Variants in CEP63 observed in about 807,000 individuals in gnomAD.
CEP63 encodes centrosomal protein of 63 kDa.
Under a neutral mutation model 89.1 loss-of-function variants are expected in CEP63, and 84 were observed. The ratio of observed to expected loss-of-function variants is 0.94; its 90% CI spans 0.79 to 1.13. The LOEUF (loss-of-function observed/expected upper bound fraction) is 1.13. Ranked by LOEUF, CEP63 falls within the 50% of genes most tolerant of loss-of-function variation. CEP63 has a pLI of 0.00. For synonymous variants in CEP63, 267 were observed against 272.5 expected (o/e 0.98, Z 0.20); for missense variants, 838 against 813.3 (o/e 1.03, Z -0.37).
chr3:134,684,141 G>T, the CEP63 span, among the ~76,000 whole-genome samples: 1 of 152,234 alleles, frequency 6.6e-6, no homozygotes, highest in African/African-American at 2.4e-5. Context: ...AATGGAAAGA[G>T]ATGTAGTGTT....
Position 134,564,463 on chromosome 3 carries a change from T to C in CEP63, c.*2928T>C. 1 of 985,514 alleles carries C rather than the reference T, an allele frequency of 1.0e-6. No individual in the cohort carries two copies. Among genetic ancestry groups the C allele is most frequent in the Non-Finnish European group, 1.2e-6 (1 of 829,976 alleles). The allele number at this position is 985,514 out of a possible 1,614,324, so 61.0% of individuals were successfully genotyped here. A position where few individuals can be genotyped will look rare whatever the true frequency, so the allele number is the denominator to read the frequency against. On this transcript the variant is annotated 3_prime_UTR_variant, in exon 15 of 15. Coordinates refer to ENST00000675561, the MANE Select transcript of CEP63 (RefSeq NM_001353108.3). ...TGTCATGGCACCCTGTGTGTGGCTC[T>C]GACCAGACTTTGCTATCCGCTTTGA... is the stretch of plus-strand genomic sequence containing the variant.
chr3:134,645,737 T>G, the CEP63 span, among the ~76,000 whole-genome samples: 1 of 152,226 alleles, frequency 6.6e-6, no homozygotes, highest in Non-Finnish European at 1.5e-5. Context: ...CCAGTTCTCA[T>G]GGTGGTTTTG....
rs575735101 is a variant in CEP63 at position 134,562,232 on chromosome 3, G to A, written c.*697G>A. ...CACTGCTGAGGACAAGTTTAGATGG[G>A]AGACAAAGATCTGGATGTTGATGTG... On this transcript the variant is annotated 3_prime_UTR_variant, in exon 15 of 15. Transcript: ENST00000675561. 4.9e-5 allele frequency: 48 copies of A among 984,902 alleles called. 1 individual carries two copies. The highest frequency in any genetic ancestry group is 1.0e-3 in the Middle Eastern group (2 of 1,912). The allele number at this position is 984,902 out of a possible 1,614,324, so 61.0% of individuals were successfully genotyped here. A position where few individuals can be genotyped will look rare whatever the true frequency, so the allele number is the denominator to read the frequency against.
chr3:134,508,931 T>A (rs1308575905), intron 3 of CEP63, among the ~76,000 whole-genome samples: 1 of 151,850 alleles, frequency 6.6e-6, no homozygotes, highest in Non-Finnish European at 1.5e-5. Flanking sequence ...CCATAGAATT[T>A]GTGTGTGAGA....
chr3:134,538,673 C>T (rs981856392), intron 6 of CEP63, among the ~76,000 whole-genome samples: 3 of 150,812 alleles, frequency 2.0e-5, no homozygotes, highest in African/African-American at 7.3e-5. Flanking sequence ...CCACCTTGGC[C>T]TCCTAAAGTG....
the CEP63 span, among the ~76,000 whole-genome samples, chr3:134,672,266 T>G: frequency 6.6e-6 from 1 of 152,192 alleles, no homozygotes; most frequent in African/African-American, 2.4e-5. Context: ...GTTAGGTTAT[T>G]CTGAGGAATA....
chr3:134,747,090 A>AC, the CEP63 span, among the ~76,000 whole-genome samples: 136 of 105,902 alleles, frequency 1.3e-3, no homozygotes, highest in African/African-American at 3.4e-3. Flanking sequence ...ATCTTGAATT[A>AC]ATTTTTGTAT....
chr3:134,738,443 A>T, the CEP63 span, among the ~76,000 whole-genome samples: 3 of 152,208 alleles, frequency 2.0e-5, no homozygotes, highest in Non-Finnish European at 4.4e-5. Context: ...ATCAAATGGT[A>T]GTCCTACTTT....
At chr3:134,500,346 A>G (rs546419661) in intron 2 of CEP63, among the ~76,000 whole-genome samples, 15 of 152,242 alleles carry the variant, frequency 9.9e-5, no homozygotes, top group African/African-American at 2.4e-4. Context: ...TCCACCATCA[A>G]TGGGTACATA....
the CEP63 span, among the ~76,000 whole-genome samples, chr3:134,749,593 G>A: frequency 6.6e-6 from 1 of 150,700 alleles, no homozygotes; most frequent in African/African-American, 2.4e-5. Context: ...GTCTCAAGAT[G>A]AAGGGTCTGT....
At chr3:134,569,291 A>G (rs941973174), downstream of CEP63, among the ~76,000 whole-genome samples, 1 of 152,254 alleles carries the variant, frequency 6.6e-6, no homozygotes, top group African/African-American at 2.4e-5. Flanking sequence ...TCAAAAGTCC[A>G]TAGTCCAAAG....
the CEP63 span, among the ~76,000 whole-genome samples, chr3:134,686,773 CACAA>C: frequency 1.3e-5 from 2 of 152,164 alleles, no homozygotes; most frequent in African/African-American, 2.4e-5. Context: ...ATGTGAGCCT[CACAA>C]ACACTCTATG....
the CEP63 span, among the ~76,000 whole-genome samples, chr3:134,686,096 C>T: frequency 6.6e-6 from 1 of 152,184 alleles, no homozygotes; most frequent in Non-Finnish European, 1.5e-5. Flanking sequence ...CAGGGCTGCA[C>T]AAGGGAAGAA....
At chr3:134,566,289 C>A (rs1175098796), downstream of CEP63, among the ~76,000 whole-genome samples, 1 of 152,102 alleles carries the variant, frequency 6.6e-6, no homozygotes, top group Admixed American at 6.6e-5. Context: ...AGGTCTAAAA[C>A]TCCTTGATAT....
the CEP63 span, among the ~76,000 whole-genome samples, chr3:134,656,178 A>G: frequency 6.6e-6 from 1 of 152,172 alleles, no homozygotes; most frequent in Non-Finnish European, 1.5e-5. Context: ...GTCCTCCCAG[A>G]GAGGAGGGGC....
intron 6 of CEP63, among the ~76,000 whole-genome samples, chr3:134,542,872 A>G (rs543920258): frequency 5.3e-5 from 8 of 152,132 alleles, no homozygotes; most frequent in Non-Finnish European, 1.2e-4. Flanking sequence ...ACCCACTCCA[A>G]TAGAATGCTA....
chr3:134,671,871 C>T, the CEP63 span, among the ~76,000 whole-genome samples: 1 of 152,152 alleles, frequency 6.6e-6, no homozygotes, highest in Non-Finnish European at 1.5e-5. Context: ...GAGCTGTTTT[C>T]TCATCTGTGA....
the CEP63 span, among the ~76,000 whole-genome samples, chr3:134,773,436 T>C: frequency 6.6e-6 from 1 of 152,046 alleles, no homozygotes; most frequent in Non-Finnish European, 1.5e-5. Flanking sequence ...AGAAATGAAG[T>C]CTATTTTGAG....
chr3:134,518,754 A>C (rs1946777421), intron 3 of CEP63, among the ~76,000 whole-genome samples: 1 of 152,084 alleles, frequency 6.6e-6, no homozygotes, highest in Non-Finnish European at 1.5e-5. Flanking sequence ...GAAAAACAAA[A>C]AAACCCCAGC....
Sources: allele counts gnomAD v4.1 joint callset (sites outside exome capture counted in the v4.1 genomes callset), GRCh38; gene constraint gnomAD v4.1.1; transcripts MANE v1.5; gene names NCBI Gene and HGNC (gene_info 2026-07-23, HGNC 2026-07-21).